The following ZNF34 variants were observed in gnomAD, a reference collection of about 807,000 sequenced individuals.
ZNF34 encodes zinc finger protein 34, also known as zinc finger protein 34 (KOX 32).
Under a neutral mutation model 14.4 loss-of-function variants are expected in ZNF34, and 8 were observed. The ratio of observed to expected loss-of-function variants is 0.55; its 90% CI spans 0.33 to 1.00. The LOEUF (loss-of-function observed/expected upper bound fraction) is 1.00. ZNF34 is among the 50% of genes least tolerant of loss of function. The pLI is 0.03. For missense variants in ZNF34, 538 were observed against 674.2 expected, an observed-to-expected ratio of 0.80 and a Z score of 2.24; for synonymous variants, 235 against 247.9, an observed-to-expected ratio of 0.95 and a Z score of 0.49.
At chr8:144,784,998 A>T (rs1269087213) in intron 1 of ZNF34, among the ~76,000 whole-genome samples, 1 of 149,742 alleles carries the variant, frequency 6.7e-6, no homozygotes, top group East Asian at 2.0e-4. Flanking sequence ...CTGTGGTTCC[A>T]GTCAAAACCT....
chr8:144,782,277 G>A (rs1405257180), intron 1 of ZNF34, among the ~76,000 whole-genome samples: 3 of 151,942 alleles, frequency 2.0e-5, no homozygotes, highest in Admixed American at 6.6e-5. Context: ...AGCCGAGATC[G>A]CACCACTGCA....
In ZNF34 at chr8:144,777,997, C is replaced by G; in HGVS notation, c.160+41G>C. ...CCAGCCTCTGCTGAGCCCTTAGCCC[C>G]CAGGGCTGTTCCCAGAGCTGAGTTC... On this transcript the variant is annotated intron_variant, in intron 4 of 5. Coordinates refer to ENST00000429371, the MANE Select transcript of ZNF34 (RefSeq NM_001286769.2). The surrounding 1 kb of genome is among the most constrained non-coding windows in gnomAD (Gnocchi z 4.8). 1 of 1,609,836 alleles carries G rather than the reference C, an allele frequency of 6.2e-7. No individual in the cohort carries two copies. Among genetic ancestry groups the G allele is most frequent in the Non-Finnish European group, 8.5e-7 (1 of 1,178,056 alleles).
In ZNF34 at chr8:144,773,257, G is replaced by A. The variant is rs112189162; in HGVS notation, c.*9C>T. The A allele has an allele frequency of 7.0e-3, 11,211 of 1,590,262 alleles. 46 individuals are homozygous for A. The highest frequency in any genetic ancestry group is 8.6e-3 in the Non-Finnish European group (9,962 of 1,164,862). ...CAGCTGGACTCTGCCCTCGGACACCGCGCCACTGTTACATGGAGAAGTCCT... is the reference window on the plus strand; with the variant it reads ...CAGCTGGACTCTGCCCTCGGACACCACGCCACTGTTACATGGAGAAGTCCT... On this transcript the variant is annotated 3_prime_UTR_variant, in exon 6 of 6. Coordinates refer to ENST00000429371, the MANE Select transcript of ZNF34 (RefSeq NM_001286769.2). The surrounding 1 kb of genome is among the most constrained non-coding windows in gnomAD (Gnocchi z 5.4).
Position 144,777,996 on chromosome 8 carries a change from C to T in ZNF34, c.160+42G>A. The T allele has an allele frequency of 6.2e-7, 1 of 1,609,572 alleles. No individual in the cohort carries two copies. Among genetic ancestry groups the T allele is most frequent in the Non-Finnish European group, 8.5e-7 (1 of 1,177,968 alleles). ...CCCAGCCTCTGCTGAGCCCTTAGCC[C>T]CCAGGGCTGTTCCCAGAGCTGAGTT... On this transcript the variant is annotated intron_variant, in intron 4 of 5. Transcript: ENST00000429371. This position sits in a 1 kb window ranked among gnomAD's most constrained non-coding sequence, Gnocchi z 4.8.
chr8:144,778,356 CCCAAA>C, intron 3 of ZNF34, 78 bp downstream of exon 3: 1 of 1,414,422 alleles, frequency 7.1e-7, no homozygotes, highest in Non-Finnish European at 9.5e-7. Context: ...ATGTCAGCAT[CCCAAA>C]CCAGAGACAC....
intron 1 of ZNF34, among the ~76,000 whole-genome samples, chr8:144,784,162 G>GAA (rs59291940): frequency 1.2e-4 from 11 of 93,260 alleles, no homozygotes; most frequent in African/African-American, 1.8e-4. Context: ...TACGTCTCCA[G>GAA]AAAAAAAAAA....
In ZNF34 at chr8:144,783,945, A is replaced by G. The variant is rs142896332; in HGVS notation, c.-108+3334T>C. 3.2e-3 allele frequency among the ~76,000 whole-genome samples: 484 copies of G among 152,334 alleles called. 5 individuals are homozygous for G. The East Asian group carries it at 0.037, about 12-fold the overall frequency. On this transcript the variant is annotated intron_variant, in intron 1 of 5. Coordinates refer to ENST00000429371, the MANE Select transcript of ZNF34 (RefSeq NM_001286769.2). ...TTTGGGAGGCCAAGGCGGGAGGATC[A>G]CGAGGTCAGATCGAGACCATCCTGG...
chr8:144,783,953 A>AG (rs1826058800), intron 1 of ZNF34, among the ~76,000 whole-genome samples: 1 of 152,206 alleles, frequency 6.6e-6, no homozygotes. Context: ...TCACGAGGTC[A>AG]GATCGAGACC....
At chr8:144,776,931 A>T (rs916444907) in intron 5 of ZNF34, among the ~76,000 whole-genome samples, 9 of 141,188 alleles carry the variant, frequency 6.4e-5, no homozygotes, top group Non-Finnish European at 1.2e-4. Flanking sequence ...AAAAAAAAAA[A>T]GCAGTGTCAG....
rs2130177779 is a variant in ZNF34, at chr8:144,772,595, A to G, written c.*671T>C. Among the ~76,000 whole-genome samples the G allele has an allele frequency of 6.6e-6, 1 of 152,382 alleles. No individual in the cohort carries two copies. Among genetic ancestry groups the G allele is most frequent in the East Asian group, 1.9e-4 (1 of 5,190 alleles). ...CGCTCTGTCACCCAGGCTGGAGTAC[A>G]GTGGCACAGTCTTGGCTCACTGCAA... On this transcript the variant is annotated 3_prime_UTR_variant, in exon 6 of 6. Coordinates refer to ENST00000429371, the MANE Select transcript of ZNF34 (RefSeq NM_001286769.2).
chr8:144,773,197 A>G lies in ZNF34; in HGVS notation c.*69T>C. On this transcript the variant is annotated 3_prime_UTR_variant, in exon 6 of 6. Coordinates refer to ENST00000429371, the MANE Select transcript of ZNF34 (RefSeq NM_001286769.2). The surrounding 1 kb of genome is among the most constrained non-coding windows in gnomAD (Gnocchi z 5.4). The stretch of plus-strand genomic sequence containing the variant: ...ATCGTGTGGATAATACATAAAGGGC[A>G]GAGTCAGGTGCCGGGGGCGCATGCA... 1.3e-6 allele frequency: 2 copies of G among 1,483,506 alleles called. No homozygotes were observed. Among genetic ancestry groups the G allele is most frequent in the Non-Finnish European group, 1.8e-6 (2 of 1,107,646 alleles). 91.9% of individuals were successfully genotyped at this position (1,483,506 alleles called of 1,614,324 possible).
Position 144,773,186 on chromosome 8 carries a change from A to C in ZNF34, c.*80T>G. 1 of 1,417,700 alleles carries C rather than the reference A, an allele frequency of 7.1e-7. No homozygotes were observed. The highest frequency in any genetic ancestry group is 9.4e-7 in the Non-Finnish European group (1 of 1,060,074). The allele number at this position is 1,417,700 out of a possible 1,614,324, so 87.8% of individuals were successfully genotyped here. On this transcript the variant is annotated 3_prime_UTR_variant, in exon 6 of 6. Transcript: ENST00000429371. The surrounding 1 kb of genome is among the most constrained non-coding windows in gnomAD (Gnocchi z 5.4). The stretch of plus-strand genomic sequence containing the variant: ...TCTGTGAAAACATCGTGTGGATAAT[A>C]CATAAAGGGCAGAGTCAGGTGCCGG...
At chr8:144,787,048 G>T (rs533740442) in intron 1 of ZNF34, among the ~76,000 whole-genome samples, 2 of 152,286 alleles carry the variant, frequency 1.3e-5, no homozygotes, top group South Asian at 4.1e-4. Context: ...GCTCGAGAGC[G>T]GAAGGAGCCC....
chr8:144,777,947 G>A lies in ZNF34; in HGVS notation c.160+91C>T. On this transcript the variant is annotated intron_variant, in intron 4 of 5. Transcript: ENST00000429371. This position sits in a 1 kb window ranked among gnomAD's most constrained non-coding sequence, Gnocchi z 4.8. ...CTGGGATAAAGGTCATCACCTATCTGTGCCCAGGGGGTGAGGCCCCTAGCC... is the reference window on the plus strand; with the variant it reads ...CTGGGATAAAGGTCATCACCTATCTATGCCCAGGGGGTGAGGCCCCTAGCC... 2 of 1,549,520 alleles carry A rather than the reference G, an allele frequency of 1.3e-6. No individual in the cohort carries two copies. The highest frequency in any genetic ancestry group is 8.8e-7 in the Non-Finnish European group (1 of 1,141,078).
At chr8:144,781,450 G>A (rs1444984669) in intron 1 of ZNF34, among the ~76,000 whole-genome samples, 3 of 151,912 alleles carry the variant, frequency 2.0e-5, no homozygotes, top group Admixed American at 2.0e-4. Context: ...TAGAGACGGA[G>A]TTTCACCGTG....
chr8:144,776,922 A>G (rs1825557816), intron 5 of ZNF34, among the ~76,000 whole-genome samples: 1 of 152,028 alleles, frequency 6.6e-6, no homozygotes, highest in African/African-American at 2.4e-5. Flanking sequence ...AAAAAAAAAA[A>G]AAAAAAAAAG....
Position 144,777,436 on chromosome 8 carries a change from G to C in ZNF34, c.280+22C>G. ...AAGGCTCGTTCGGTGACTTGAGTTG[G>C]GGAGCAGATCCCCTCACGCACCTGG... On this transcript the variant is annotated intron_variant, in intron 5 of 5. Transcript: ENST00000429371. The surrounding 1 kb of genome is among the most constrained non-coding windows in gnomAD (Gnocchi z 4.8). The C allele has an allele frequency of 1.3e-6, 2 of 1,550,274 alleles. No individual in the cohort carries two copies. Among genetic ancestry groups the C allele is most frequent in the Non-Finnish European group, 8.7e-7 (1 of 1,146,250 alleles).
chr8:144,783,965 T>G (rs1002334261), intron 1 of ZNF34, among the ~76,000 whole-genome samples: 8 of 151,666 alleles, frequency 5.3e-5, no homozygotes, highest in Non-Finnish European at 1.2e-4. Context: ...ATCGAGACCA[T>G]CCTGGCTAAC....
intron 1 of ZNF34, among the ~76,000 whole-genome samples, chr8:144,781,593 C>G (rs1174531126): frequency 1.3e-5 from 2 of 151,632 alleles, no homozygotes; most frequent in Non-Finnish European, 2.9e-5. Flanking sequence ...ACAAGTGGGT[C>G]AAGTAAACAA....
Sources: gnomAD v4.1 joint callset for allele counts (sites outside exome capture counted in the v4.1 genomes callset) on GRCh38, gnomAD v4.1.1 for gene constraint, Gnocchi (gnomAD v3.1) non-coding constraint, MANE v1.5 for transcripts, NCBI Gene and HGNC (gene_info 2026-07-23, HGNC 2026-07-21) for gene names.